Variants in HIGD1C observed in about 807,000 individuals in gnomAD.
HIGD1C encodes HIG1 hypoxia inducible domain family member 1C, also known as HIG1 domain family member 1C.
HIGD1C carries 11 observed loss-of-function variants against 13.1 expected under a neutral mutation model. The ratio of observed to expected loss-of-function variants is 0.84; its 90% confidence interval spans 0.53 to 1.39. The LOEUF (loss-of-function observed/expected upper bound fraction) is 1.39. HIGD1C is among the 40% of genes most tolerant of loss of function. The pLI is 0.00. For missense variants in HIGD1C, 110 were observed against 112.0 expected (o/e 0.98, Z 0.08); for synonymous variants, 36 against 37.7 (o/e 0.95, Z 0.17).
the HIGD1C span, among the ~76,000 whole-genome samples, chr12:50,943,181 T>G: frequency 6.6e-6 from 1 of 152,160 alleles, no homozygotes; most frequent in East Asian, 1.9e-4. Context: ...CAGTTTCTAA[T>G]ACAAAATCAA....
intron 1 of HIGD1C, among the ~76,000 whole-genome samples, chr12:50,957,930 A>T (rs1391191735): frequency 8.4e-6 from 1 of 119,322 alleles, no homozygotes; most frequent in Non-Finnish European, 1.8e-5. Context: ...TGTATTCATG[A>T]ATTGGAGGTG....
intron 2 of HIGD1C, among the ~76,000 whole-genome samples, chr12:50,968,698 C>T (rs142889981): frequency 0.013 from 1,910 of 152,184 alleles, 39 homozygotes; most frequent in African/African-American, 0.043. Flanking sequence ...CCCGTCACCA[C>T]ACCTGGCTAA....
the HIGD1C span, among the ~76,000 whole-genome samples, chr12:50,935,619 G>T: frequency 6.6e-6 from 1 of 152,056 alleles, no homozygotes; most frequent in African/African-American, 2.4e-5. Context: ...CTCCTAAGTA[G>T]CTGGGACCAC....
chr12:50,962,956 A>G (rs1939395363), intron 2 of HIGD1C, among the ~76,000 whole-genome samples: 1 of 152,184 alleles, frequency 6.6e-6, no homozygotes, highest in Non-Finnish European at 1.5e-5. Context: ...AAGCAACACT[A>G]CTAGTAGTAA....
intron 2 of HIGD1C, among the ~76,000 whole-genome samples, chr12:50,963,887 T>C (rs779106543): frequency 3.3e-5 from 5 of 152,182 alleles, no homozygotes; most frequent in Non-Finnish European, 7.3e-5. Flanking sequence ...TTGACATCCA[T>C]ATATACCTCT....
At chr12:50,954,058 C>G in exon 1 of HIGD1C, 1 of 1,612,962 alleles carries the variant, frequency 6.2e-7, no homozygotes, top group Non-Finnish European at 8.5e-7. Flanking sequence ...CCCGACTAAT[C>G]AGGAAATCTA....
At chr12:50,952,296 C>G (rs2139777648), upstream of HIGD1C, among the ~76,000 whole-genome samples, 1 of 152,160 alleles carries the variant, frequency 6.6e-6, no homozygotes, top group Middle Eastern at 3.4e-3. Context: ...AAGAAAGAAA[C>G]ATGTTAATAA....
chr12:50,933,977 T>A, the HIGD1C span, among the ~76,000 whole-genome samples: 9 of 152,330 alleles, frequency 5.9e-5, no homozygotes, highest in African/African-American at 1.9e-4. Context: ...TTACAAAACC[T>A]GACCAAGCCC....
the HIGD1C span, among the ~76,000 whole-genome samples, chr12:50,939,073 T>C: frequency 6.6e-6 from 1 of 152,202 alleles, no homozygotes. Flanking sequence ...TTGGTCTCCA[T>C]ACCTCCACAC....
chr12:50,971,571 G>A (rs1162986369), downstream of HIGD1C, among the ~76,000 whole-genome samples: 5 of 152,152 alleles, frequency 3.3e-5, no homozygotes, highest in Admixed American at 1.3e-4. Flanking sequence ...GATGTTAAAG[G>A]TTAAGTTTAC....
At position 50,954,191 on chromosome 12, in the gene HIGD1C, T is replaced by C. The variant is rs547760555; in HGVS notation, c.94+99T>C. The C allele has an allele frequency of 4.2e-6, 3 of 720,496 alleles. No homozygotes were observed. The African/African-American group carries it at 5.3e-5, about 13-fold the overall frequency. The allele number at this position is 720,496 out of a possible 1,614,324, so 44.6% of individuals were successfully genotyped here. A position where few individuals can be genotyped will look rare whatever the true frequency, so the allele number is the denominator to read the frequency against. ...TGAAATGTTTCTTATAATTGAATTT[T>C]TTCAGATAATTGAAGCTAACCTCCT... is the stretch of plus-strand genomic sequence containing the variant. On this transcript the variant is annotated intron_variant, in intron 1 of 2. Coordinates refer to ENST00000398455, the Ensembl canonical transcript of HIGD1C.
intron 1 of HIGD1C, among the ~76,000 whole-genome samples, chr12:50,956,152 C>T (rs1010363116): frequency 1.3e-5 from 2 of 152,168 alleles, no homozygotes; most frequent in African/African-American, 4.8e-5. Context: ...AACACTTTGG[C>T]AGGCCAAGGT....
At chr12:50,936,261 T>C in the HIGD1C span, among the ~76,000 whole-genome samples, 2 of 152,030 alleles carry the variant, frequency 1.3e-5, no homozygotes, top group Non-Finnish European at 2.9e-5. Flanking sequence ...ATTTCTTAAG[T>C]ATCTTCTTTA....
At chr12:50,953,132 T>C (rs1428912745), upstream of HIGD1C, among the ~76,000 whole-genome samples, 2 of 152,146 alleles carry the variant, frequency 1.3e-5, no homozygotes, top group African/African-American at 4.8e-5. Flanking sequence ...TTTCTGGGCT[T>C]TCCCATTATC....
chr12:50,944,921 G>C, the HIGD1C span, among the ~76,000 whole-genome samples: 3 of 152,146 alleles, frequency 2.0e-5, no homozygotes, highest in African/African-American at 7.2e-5. Context: ...GGGATGCAAG[G>C]CTGGTTCAAC....
At chr12:50,960,442 A>G (rs923478115) in intron 1 of HIGD1C, among the ~76,000 whole-genome samples, 2 of 152,348 alleles carry the variant, frequency 1.3e-5, no homozygotes, top group Non-Finnish European at 2.9e-5. Context: ...ACAAATGACT[A>G]GACAAGTTAC....
chr12:50,968,073 G>A (rs1017775030), intron 2 of HIGD1C, among the ~76,000 whole-genome samples: 6 of 151,938 alleles, frequency 3.9e-5, no homozygotes, highest in Admixed American at 1.3e-4. Flanking sequence ...GCCACAGAGC[G>A]AGGCATTGTC....
intron 2 of HIGD1C, 75 bp downstream of exon 4, chr12:50,961,177 G>A (rs1326379617): frequency 4.3e-6 from 6 of 1,402,328 alleles, no homozygotes; most frequent in Non-Finnish European, 5.9e-6. Flanking sequence ...ATTCATAGTA[G>A]AAGATGAATG....
At chr12:50,951,737 T>C (rs112486352), upstream of HIGD1C, among the ~76,000 whole-genome samples, 2,077 of 151,646 alleles carry the variant, frequency 0.014, 48 homozygotes, top group African/African-American at 0.046. Context: ...CCGACCAACA[T>C]TGTGAAACAA....
Sources: allele counts gnomAD v4.1 joint callset (sites outside exome capture counted in the v4.1 genomes callset), GRCh38; gene constraint gnomAD v4.1.1; transcripts MANE v1.5; gene names NCBI Gene and HGNC (gene_info 2026-07-23, HGNC 2026-07-21).